The following MTFR1 variants were observed in gnomAD, a reference collection of about 807,000 sequenced individuals.
MTFR1 encodes chondrocyte protein with a poly-proline region.
A neutral mutation model predicts 38.8 loss-of-function variants in MTFR1; 28 were observed. The ratio of observed to expected loss-of-function variants is 0.72; its 90% CI spans 0.53 to 0.99. MTFR1 has a LOEUF of 0.99. MTFR1 is among the 50% of genes least tolerant of loss of function. The pLI, the probability that MTFR1 is intolerant of heterozygous loss-of-function variation, is 0.00. For missense variants in MTFR1, 358 were observed against 395.5 expected, an observed-to-expected ratio of 0.91 and a Z score of 0.81; for synonymous variants, 145 against 137.0, an observed-to-expected ratio of 1.06 and a Z score of -0.41.
At chr8:65,713,239 A>C (rs894428369), downstream of MTFR1, among the ~76,000 whole-genome samples, 4 of 152,102 alleles carry the variant, frequency 2.6e-5, no homozygotes, top group Non-Finnish European at 5.9e-5. Context: ...TCAGGAGTTC[A>C]AGACCAGCCT....
At chr8:65,764,719 G>A (rs1246019465) in intron 3 of MTFR1, among the ~76,000 whole-genome samples, 3 of 151,904 alleles carry the variant, frequency 2.0e-5, no homozygotes, top group Non-Finnish European at 4.4e-5. Flanking sequence ...CTTCTTTCAT[G>A]TCATAATACA....
At chr8:65,724,315 G>A (rs1392346825) in intron 3 of MTFR1, 4 of 1,612,602 alleles carry the variant, frequency 2.5e-6, no homozygotes, top group Non-Finnish European at 2.5e-6. Context: ...TCCCACGTCC[G>A]ACATGGGTTA....
At chr8:65,696,717 G>T (rs1805452981) in intron 4 of MTFR1, among the ~76,000 whole-genome samples, 3 of 151,686 alleles carry the variant, frequency 2.0e-5, no homozygotes, top group African/African-American at 7.3e-5. Flanking sequence ...CTGGAGTGCG[G>T]GGATGCAGTC....
intron 3 of MTFR1, among the ~76,000 whole-genome samples, chr8:65,752,317 T>C (rs967729959): frequency 6.6e-6 from 1 of 152,242 alleles, no homozygotes; most frequent in African/African-American, 2.4e-5. Context: ...TATTTGCTTG[T>C]GTTCATACTC....
chr8:65,765,285 C>T (rs542121945), intron 3 of MTFR1, among the ~76,000 whole-genome samples: 8 of 151,268 alleles, frequency 5.3e-5, no homozygotes, highest in Non-Finnish European at 1.0e-4. Context: ...GTCAGGAGAT[C>T]GAGACCATCC....
Position 65,723,585 on chromosome 8 carries a change from G to A in MTFR1, c.*48+4104G>A, listed in dbSNP as rs148083866. ...AGATTCAGTGTGACGATCGCAAAGT[G>A]GACTCACACCCAAATGATATTTTTT... On this transcript the variant is annotated intron_variant, in intron 3 of 3. Coordinates refer to the MTFR1 transcript ENST00000521247. The A allele has an allele frequency of 5.1e-4, 804 of 1,580,458 alleles. No individual in the cohort carries two copies. Among genetic ancestry groups the A allele is most frequent in the Non-Finnish European group, 6.6e-4 (766 of 1,165,466 alleles).
Position 65,669,998 on chromosome 8 carries a change from G to T in MTFR1, c.46G>T (p.Val16Phe), listed in dbSNP as rs1173580216. ...KRLIRMVFQQ[V>F]GVSMQSVLWS... ...CCTAATTAGGATGGTTTTTCAACAAGTTGGAGTAAGCATGCAATCGGTGAG... is the reference window on the plus strand; with the variant it reads ...CCTAATTAGGATGGTTTTTCAACAATTTGGAGTAAGCATGCAATCGGTGAG... Residue 16 changes from valine (V) to phenylalanine (F), a missense_variant, in exon 2 of 8, where the codon GTT (valine) becomes TTT (phenylalanine). Val to Phe is a conservative substitution (Grantham distance 50). Coordinates refer to ENST00000262146, the MANE Select transcript of MTFR1 (RefSeq NM_014637.4). The T allele has an allele frequency of 1.2e-6, 2 of 1,605,604 alleles. No homozygotes were observed. The highest frequency in any genetic ancestry group is 1.3e-5 in the African/African-American group (1 of 74,496).
chr8:65,662,165 C>T (rs1809446220), intron 1 of MTFR1, among the ~76,000 whole-genome samples: 1 of 151,806 alleles, frequency 6.6e-6, no homozygotes, highest in Admixed American at 6.6e-5. Flanking sequence ...CTGGACTGTA[C>T]TGCTGCCATC....
intron 3 of MTFR1, among the ~76,000 whole-genome samples, chr8:65,755,274 G>C: frequency 6.6e-6 from 1 of 152,084 alleles, no homozygotes; most frequent in South Asian, 2.1e-4. Context: ...ACCCGCCTCA[G>C]CCTCCCAAAG....
the MTFR1 span, among the ~76,000 whole-genome samples, chr8:65,778,334 G>A: frequency 6.6e-6 from 1 of 152,260 alleles, no homozygotes; most frequent in East Asian, 1.9e-4. Flanking sequence ...TGCCATTTAT[G>A]GAGAGAGAAA....
Position 65,770,289 on chromosome 8 carries a change from GA to G in MTFR1, c.*49-653del, listed in dbSNP as rs1054975753. Among the ~76,000 whole-genome samples, 124 of 152,266 alleles carry G rather than the reference GA, an allele frequency of 8.1e-4. 1 individual carries two copies. The highest frequency in any genetic ancestry group is 3.0e-3 in the African/African-American group (123 of 41,556). On this transcript the variant is annotated intron_variant, in intron 3 of 3. Coordinates refer to the MTFR1 transcript ENST00000521247. ...TACCTGAGACTGGGTAATTTATAAA[GA>G]AAAAGAGGTTTGATGGACTCACAGT... is the stretch of plus-strand genomic sequence containing the variant.
rs1563450058 is a variant in MTFR1 at position 65,689,436 on chromosome 8, A to G, written c.166-4208A>G. 7 of 394,932 alleles carry G rather than the reference A, an allele frequency of 1.8e-5. 1 individual carries two copies. In the South Asian group the frequency reaches 2.0e-4, roughly 11 times the overall value. 24.5% of individuals were successfully genotyped at this position (394,932 alleles called of 1,614,324 possible). A position where few individuals can be genotyped will look rare whatever the true frequency, so the allele number is the denominator to read the frequency against. On this transcript the variant is annotated intron_variant, in intron 3 of 7. Transcript: ENST00000262146. ...TATTTTAAATTAAAGTTGCTTCAGT[A>G]AGATTTCTAAAATAAAATTGAATTT...
chr8:65,734,841 C>T (rs761765564), intron 3 of MTFR1: 22 of 1,612,342 alleles, frequency 1.4e-5, no homozygotes, highest in Non-Finnish European at 1.7e-5. Flanking sequence ...ACATCCGCAG[C>T]GTGGACTGCG....
chr8:65,774,210 C>T (rs1319096472), downstream of MTFR1, among the ~76,000 whole-genome samples: 1 of 152,190 alleles, frequency 6.6e-6, no homozygotes, highest in East Asian at 1.9e-4. Context: ...GCTTCCTTTT[C>T]TAAAACAACC....
At chr8:65,680,528 A>G (rs1184983015) in intron 2 of MTFR1, among the ~76,000 whole-genome samples, 1 of 152,166 alleles carries the variant, frequency 6.6e-6, no homozygotes, top group Non-Finnish European at 1.5e-5. Context: ...AATTTAAGAA[A>G]TCAGATAGTT....
At chr8:65,644,146 G>T (rs1056365165), upstream of MTFR1, among the ~76,000 whole-genome samples, 13 of 152,196 alleles carry the variant, frequency 8.5e-5, no homozygotes, top group Non-Finnish European at 1.9e-4. Context: ...TTGAAATCCA[G>T]AGTGTCCTAG....
intron 3 of MTFR1, chr8:65,745,593 T>C (rs922700009): frequency 2.6e-5 from 16 of 608,534 alleles, no homozygotes; most frequent in Admixed American, 6.4e-5. Flanking sequence ...AATACAAGTA[T>C]CATTTTTCTT....
intron 3 of MTFR1, among the ~76,000 whole-genome samples, chr8:65,740,286 T>C (rs548302678): frequency 6.6e-6 from 1 of 152,244 alleles, no homozygotes; most frequent in East Asian, 1.9e-4. Flanking sequence ...CGTTTTAAAA[T>C]GCCTATTTTC....
At chr8:65,727,036 C>T (rs1177657603) in intron 3 of MTFR1, 20 of 976,202 alleles carry the variant, frequency 2.0e-5, no homozygotes, top group African/African-American at 4.8e-5. Flanking sequence ...ACTAACAATA[C>T]TGTTAGCAAT....
Sources: allele counts gnomAD v4.1 joint callset (sites outside exome capture counted in the v4.1 genomes callset), GRCh38; gene constraint gnomAD v4.1.1; transcripts MANE v1.5; gene names NCBI Gene and HGNC (gene_info 2026-07-23, HGNC 2026-07-21).